Variants in GABRR2 observed in about 807,000 individuals in gnomAD.
GABRR2 encodes the protein gamma-aminobutyric acid type A receptor subunit rho2, also known as gamma-aminobutyric acid receptor subunit rho-2.
In GABRR2, 36 loss-of-function variants were observed where a neutral mutation model predicts 47.0. That is an observed-to-expected ratio of 0.77 (90% CI 0.59 to 1.01). GABRR2 has a LOEUF of 1.01. Among genes scored for constraint, GABRR2 ranks in the 50% least tolerant of loss-of-function variants. The pLI is 0.00. For synonymous variants in GABRR2, 204 were observed against 227.5 expected (o/e 0.90, Z 0.93); for missense variants, 587 against 594.6 (o/e 0.99, Z 0.13).
At chr6:89,300,238 A>G (rs1774643012) in intron 1 of GABRR2, among the ~76,000 whole-genome samples, 1 of 152,196 alleles carries the variant, frequency 6.6e-6, no homozygotes, top group Admixed American at 6.5e-5. Context: ...GGCTAGGTGC[A>G]GTGGCTCACA....
At chr6:89,302,041 T>C in intron 1 of GABRR2, 1 of 668,290 alleles carries the variant, frequency 1.5e-6, no homozygotes, top group South Asian at 1.7e-5. Context: ...TTTTCAGGCC[T>C]GACAATTTAA....
rs1004432198 is a variant in GABRR2, at chr6:89,255,955, G to A, written c.*1715C>T. On this transcript the variant is annotated 3_prime_UTR_variant, in exon 9 of 9. Coordinates refer to ENST00000402938, the MANE Select transcript of GABRR2 (RefSeq NM_002043.5). ...AGATAGGGTCTCGCTCTGTCACTCA[G>A]GCTGGACTGCAGTGGCTTGATCACA... 1.3e-5 allele frequency among the ~76,000 whole-genome samples: 2 copies of A among 151,762 alleles called. No homozygotes were observed. Among genetic ancestry groups the A allele is most frequent in the African/African-American group, 2.4e-5 (1 of 41,282 alleles).
At position 89,256,121 on chromosome 6, in the gene GABRR2, T is replaced by A. The variant is rs550002388; in HGVS notation, c.*1549A>T. 6.7e-6 allele frequency among the ~76,000 whole-genome samples: 1 copy of A among 149,634 alleles called. No individual in the cohort carries two copies. The highest frequency in any genetic ancestry group is 2.2e-4 in the South Asian group (1 of 4,628). ...ATTTAAATTTAAATAGACATGTGGC[T>A]AGTGGCTACCATATGAGACAGCCCA... On this transcript the variant is annotated 3_prime_UTR_variant, in exon 9 of 9. Transcript: ENST00000402938.
chr6:89,298,788 G>T (rs1035540855), intron 2 of GABRR2, among the ~76,000 whole-genome samples: 1 of 152,110 alleles, frequency 6.6e-6, no homozygotes, highest in Admixed American at 6.5e-5. Flanking sequence ...ATCCTAACCC[G>T]CAATGGGATG....
At chr6:89,260,936 G>A (rs527577776) in intron 8 of GABRR2, among the ~76,000 whole-genome samples, 1 of 152,216 alleles carries the variant, frequency 6.6e-6, no homozygotes, top group Admixed American at 6.5e-5. Context: ...CAGCAACTAT[G>A]CTTCTTGGTC....
intron 7 of GABRR2, 67 bp from the exon 8 acceptor site, chr6:89,264,675 C>A: frequency 6.5e-7 from 1 of 1,547,232 alleles, no homozygotes; most frequent in Non-Finnish European, 8.8e-7. Context: ...CTCACTAAGT[C>A]ACGATTTTAC....
At chr6:89,281,700 C>T (rs1485956081) in intron 2 of GABRR2, among the ~76,000 whole-genome samples, 2 of 152,256 alleles carry the variant, frequency 1.3e-5, no homozygotes, top group Non-Finnish European at 1.5e-5. Context: ...TTCCTCCCAC[C>T]GTAGATGACC....
At chr6:89,284,682 G>A (rs1055458195) in intron 2 of GABRR2, among the ~76,000 whole-genome samples, 4 of 152,212 alleles carry the variant, frequency 2.6e-5, no homozygotes, top group African/African-American at 9.6e-5. Flanking sequence ...AGAACCTCCA[G>A]AAAGGAACAT....
intron 1 of GABRR2, chr6:89,301,740 A>G: frequency 1.5e-6 from 1 of 669,584 alleles, no homozygotes; most frequent in Admixed American, 2.1e-5. Context: ...CAGCCAGCCC[A>G]GCCCGCCTGC....
chr6:89,254,878 T>G lies in GABRR2; in HGVS notation c.*2792A>C, dbSNP rs1194953784. Among the ~76,000 whole-genome samples the G allele has an allele frequency of 6.6e-6, 1 of 152,046 alleles. No homozygotes were observed. The highest frequency in any genetic ancestry group is 1.5e-5 in the Non-Finnish European group (1 of 67,954). Reference sequence around the variant, plus strand: ...GGTGTCATTGTATCATGGCCCTGCATGATAAAACACTGTTTATGATTCTAA... The same window carrying G: ...GGTGTCATTGTATCATGGCCCTGCAGGATAAAACACTGTTTATGATTCTAA... On this transcript the variant is annotated 3_prime_UTR_variant, in exon 9 of 9. Coordinates refer to ENST00000402938, the MANE Select transcript of GABRR2 (RefSeq NM_002043.5).
At chr6:89,276,786 A>C (rs1774170340) in intron 2 of GABRR2, among the ~76,000 whole-genome samples, 1 of 152,226 alleles carries the variant, frequency 6.6e-6, no homozygotes, top group African/African-American at 2.4e-5. Context: ...CAATATTGTT[A>C]AATATAGAGT....
Position 89,254,916 on chromosome 6 carries a change from T to C in GABRR2, c.*2754A>G, listed in dbSNP as rs1773571494. On this transcript the variant is annotated 3_prime_UTR_variant, in exon 9 of 9. Transcript: ENST00000402938. The stretch of plus-strand genomic sequence containing the variant: ...TTTATGATTCTAAATATGTCTGCTA[T>C]AGAATTAACTCCAGTTTAACATAGA... 2.6e-5 allele frequency among the ~76,000 whole-genome samples: 4 copies of C among 152,348 alleles called. 1 individual carries two copies. In the South Asian group the frequency reaches 8.3e-4, roughly 32 times the overall value.
chr6:89,265,836 C>A, intron 6 of GABRR2, 71 bp from the exon 7 acceptor site: 1 of 1,489,182 alleles, frequency 6.7e-7, no homozygotes, highest in Non-Finnish European at 9.2e-7. Flanking sequence ...CCTGGGAACC[C>A]GTCTTTCACT....
chr6:89,289,680 T>TGGAAGG (rs71024362), intron 2 of GABRR2, among the ~76,000 whole-genome samples: 31 of 151,958 alleles, frequency 2.0e-4, no homozygotes, highest in Non-Finnish European at 2.9e-4. Flanking sequence ...TTGATTGATC[T>TGGAAGG]GGAAGGGGAA....
intron 2 of GABRR2, among the ~76,000 whole-genome samples, chr6:89,278,561 C>T (rs535356597): frequency 3.3e-5 from 5 of 152,310 alleles, no homozygotes; most frequent in South Asian, 2.1e-4. Flanking sequence ...CTAGGCAAAC[C>T]GACTAGGGTC....
chr6:89,302,611 C>T (rs1429944043), intron 1 of GABRR2: 6 of 1,216,226 alleles, frequency 4.9e-6, no homozygotes, highest in Non-Finnish European at 5.8e-6. Flanking sequence ...CATTACCGGG[C>T]CCTGACCGTG....
chr6:89,282,826 C>T (rs1774272456), intron 2 of GABRR2, among the ~76,000 whole-genome samples: 1 of 152,224 alleles, frequency 6.6e-6, no homozygotes, highest in Non-Finnish European at 1.5e-5. Flanking sequence ...TCACCAGTCT[C>T]CCCCTTCCAG....
intron 2 of GABRR2, among the ~76,000 whole-genome samples, chr6:89,298,062 C>T (rs1774587464): frequency 1.3e-5 from 2 of 152,174 alleles, no homozygotes; most frequent in Non-Finnish European, 1.5e-5. Flanking sequence ...CCTTGGCAGG[C>T]TTGCCCATGA....
intron 2 of GABRR2, among the ~76,000 whole-genome samples, chr6:89,294,689 G>A (rs1263663536): frequency 3.3e-5 from 5 of 151,342 alleles, no homozygotes; most frequent in South Asian, 4.2e-4. Flanking sequence ...TGTGTACAAC[G>A]TGCAGGTTTG....
Sources: allele counts gnomAD v4.1 joint callset (sites outside exome capture counted in the v4.1 genomes callset), GRCh38; gene constraint gnomAD v4.1.1; transcripts MANE v1.5; gene names NCBI Gene and HGNC (gene_info 2026-07-23, HGNC 2026-07-21).